Variants in ARMH4 observed in about 807,000 individuals in gnomAD.
The protein encoded by ARMH4 is armadillo like helical domain containing 4.
A neutral mutation model predicts 61.9 loss-of-function variants in ARMH4; 49 were observed. The observed-to-expected ratio is 0.79, with a 90% CI of 0.63 to 1.00. The LOEUF is 1.00. Among genes scored for constraint, ARMH4 ranks in the 50% least tolerant of loss-of-function variants. ARMH4 has a pLI of 0.00. For missense variants in ARMH4, 934 were observed against 930.0 expected (o/e 1.00, Z -0.06); for synonymous variants, 368 against 341.5 (o/e 1.08, Z -0.85).
chr14:58,080,084 G>C (rs1885170204), intron 5 of ARMH4, among the ~76,000 whole-genome samples: 2 of 151,460 alleles, frequency 1.3e-5, no homozygotes, highest in African/African-American at 4.9e-5. Flanking sequence ...GAGATGAGGT[G>C]CCTTTGTCAC....
intron 3 of ARMH4, among the ~76,000 whole-genome samples, chr14:58,132,467 C>CT (rs1014294535): frequency 6.6e-6 from 1 of 152,086 alleles, no homozygotes; most frequent in African/African-American, 2.4e-5. Context: ...CTCATCCCCC[C>CT]CGGCTCCTAG....
intron 4 of ARMH4, among the ~76,000 whole-genome samples, chr14:58,100,033 A>G (rs1885905270): frequency 6.6e-6 from 1 of 152,182 alleles, no homozygotes; most frequent in Non-Finnish European, 1.5e-5. Flanking sequence ...TAATGACTAA[A>G]AGAAGACAAG....
intron 5 of ARMH4, among the ~76,000 whole-genome samples, chr14:58,077,060 G>A (rs543541314): frequency 3.5e-4 from 54 of 152,250 alleles, no homozygotes; most frequent in Admixed American, 3.4e-3. Context: ...CACAGCCAAC[G>A]TCCCAGACCA....
At chr14:58,127,803 T>G (rs897672605) in intron 4 of ARMH4, among the ~76,000 whole-genome samples, 1 of 152,010 alleles carries the variant, frequency 6.6e-6, no homozygotes, top group Non-Finnish European at 1.5e-5. Context: ...GCTCCCCATT[T>G]CCCGCTAGCT....
intron 5 of ARMH4, among the ~76,000 whole-genome samples, chr14:58,027,841 G>A (rs1450298909): frequency 1.3e-5 from 2 of 152,142 alleles, no homozygotes; most frequent in Non-Finnish European, 2.9e-5. Flanking sequence ...CATTAAATAT[G>A]TACAGCTTCT....
intron 4 of ARMH4, among the ~76,000 whole-genome samples, chr14:58,122,731 G>A (rs940157134): frequency 1.3e-5 from 2 of 152,196 alleles, no homozygotes; most frequent in Non-Finnish European, 2.9e-5. Context: ...CTTGCTTCCA[G>A]TGCGGTCTAC....
intron 4 of ARMH4, among the ~76,000 whole-genome samples, chr14:58,098,139 G>C (rs1291797476): frequency 6.6e-6 from 1 of 152,044 alleles, no homozygotes; most frequent in African/African-American, 2.4e-5. Flanking sequence ...AGAAGAACTG[G>C]AGCCACCCAA....
chr14:58,138,621 C>T lies in ARMH4; in HGVS notation c.738G>A (p.Glu246=), dbSNP rs1383444693. 12 of 1,614,078 alleles carry T rather than the reference C, an allele frequency of 7.4e-6. No individual in the cohort carries two copies. The highest frequency in any genetic ancestry group is 1.0e-5 in the Non-Finnish European group (12 of 1,180,022). Residue 246 remains glutamate, a synonymous_variant, in exon 2 of 8, where the codon GAG becomes GAA. Coordinates refer to ENST00000267485, the MANE Select transcript of ARMH4 (RefSeq NM_001001872.4). ...CCTTATCAGGGGTGAGGCTTCCAGG[C>T]TCACTGCCTGCTGTGGACTCAGCAC... is the stretch of plus-strand genomic sequence containing the variant. ...FPGAESTAGS[E]PGSLTPDKEK... is the part of the protein sequence containing the mutation.
intron 5 of ARMH4, among the ~76,000 whole-genome samples, chr14:58,085,365 A>G (rs566541850): frequency 7.0e-6 from 1 of 142,704 alleles, no homozygotes; most frequent in African/African-American, 2.6e-5. Context: ...CTTCTTGTTT[A>G]ATTCCCAGAA....
intron 1 of ARMH4, among the ~76,000 whole-genome samples, chr14:58,140,772 G>A (rs933699710): frequency 1.3e-5 from 2 of 150,942 alleles, no homozygotes; most frequent in Admixed American, 1.3e-4. Flanking sequence ...GTGTGGTGGC[G>A]GGCATCTGTA....
chr14:58,107,189 G>A (rs1886190520), intron 4 of ARMH4, among the ~76,000 whole-genome samples: 1 of 152,152 alleles, frequency 6.6e-6, no homozygotes, highest in Non-Finnish European at 1.5e-5. Context: ...CTTCCAGGCT[G>A]TTACTAATGC....
rs1887400991 is a variant in ARMH4, at chr14:58,138,539, G to A, written c.820C>T (p.Leu274Phe). ...CTCAGGGTGTACTCGGAAGTTTCGA[G>A]TGGTTGCTTGGTGGCAGCAGCCTGG... is the stretch of plus-strand genomic sequence containing the variant. ...NTQAAATKQP[L>F]ETSEYTLSVE... Residue 274 changes from leucine to phenylalanine, a missense_variant, in exon 2 of 8, where the codon CTC becomes TTC. By Grantham distance (22) the Leu-to-Phe change is conservative. Transcript: ENST00000267485. 6.2e-7 allele frequency: 1 copy of A among 1,614,252 alleles called. No individual in the cohort carries two copies. Among genetic ancestry groups the A allele is most frequent in the Middle Eastern group, 1.6e-4 (1 of 6,062 alleles).
intron 4 of ARMH4, among the ~76,000 whole-genome samples, chr14:58,128,330 C>T (rs1250889656): frequency 6.6e-6 from 1 of 152,106 alleles, no homozygotes; most frequent in Admixed American, 6.5e-5. Flanking sequence ...ATACAAAGAT[C>T]ATGTCCAAAA....
intron 4 of ARMH4, among the ~76,000 whole-genome samples, chr14:58,117,741 T>C (rs753377774): frequency 1.8e-4 from 28 of 152,216 alleles, no homozygotes; most frequent in Admixed American, 9.2e-4. Flanking sequence ...TTATGTCGTG[T>C]ATATGTTTCA....
At chr14:58,055,505 G>C (rs1884319333) in intron 5 of ARMH4, among the ~76,000 whole-genome samples, 1 of 152,184 alleles carries the variant, frequency 6.6e-6, no homozygotes, top group Non-Finnish European at 1.5e-5. Context: ...ACTGTAATAT[G>C]AGGCAACATA....
At chr14:58,041,844 A>G (rs1883717430) in intron 5 of ARMH4, among the ~76,000 whole-genome samples, 1 of 152,178 alleles carries the variant, frequency 6.6e-6, no homozygotes, top group Non-Finnish European at 1.5e-5. Flanking sequence ...CAAAAGAGAC[A>G]AAGAAGGCCA....
At chr14:58,137,060 T>C (rs1388504612) in intron 2 of ARMH4, among the ~76,000 whole-genome samples, 1 of 152,228 alleles carries the variant, frequency 6.6e-6, no homozygotes. Context: ...ATTATTACAG[T>C]TTAAACATAT....
intron 1 of ARMH4, among the ~76,000 whole-genome samples, chr14:58,150,758 A>C (rs984254788): frequency 3.2e-4 from 49 of 152,154 alleles, no homozygotes; most frequent in African/African-American, 1.1e-3. Flanking sequence ...CAAAAAAAAA[A>C]CCACTTTATT....
chr14:58,026,498 G>T (rs2141156370), intron 5 of ARMH4, among the ~76,000 whole-genome samples: 1 of 152,162 alleles, frequency 6.6e-6, no homozygotes, highest in South Asian at 2.1e-4. Flanking sequence ...TGCACTACCT[G>T]ATCTTCAATT....
Sources: gnomAD v4.1 joint callset for allele counts (sites outside exome capture counted in the v4.1 genomes callset) on GRCh38, gnomAD v4.1.1 for gene constraint, MANE v1.5 for transcripts, NCBI Gene and HGNC (gene_info 2026-07-23, HGNC 2026-07-21) for gene names.